Variants in PTPRT observed in about 807,000 individuals in gnomAD.
The protein encoded by PTPRT is protein tyrosine phosphatase receptor type T, also known as receptor-type tyrosine-protein phosphatase T.
In PTPRT, 56 loss-of-function variants were observed where a neutral mutation model predicts 176.8. That is an observed-to-expected ratio of 0.32 (90% CI 0.26 to 0.40). PTPRT has a LOEUF of 0.40. Ranked by LOEUF, PTPRT falls within the 10% of genes least tolerant of loss-of-function variation. PTPRT has a pLI of 1.00. For missense variants in PTPRT, 1,540 were observed against 1,908.2 expected, an observed-to-expected ratio of 0.81 and a Z score of 3.60; for synonymous variants, 783 against 739.0, an observed-to-expected ratio of 1.06 and a Z score of -0.96.
intron 7 of PTPRT, among the ~76,000 whole-genome samples, chr20:42,526,956 CTTTTTTTTTT>C (rs915511549): frequency 3.8e-5 from 3 of 78,712 alleles, no homozygotes; most frequent in South Asian, 5.8e-4. Flanking sequence ...GTTCTTTTTT[CTTTTTTTTTT>C]TTTTTTTTTT....
intron 9 of PTPRT, among the ~76,000 whole-genome samples, chr20:42,438,402 C>T (rs1035576582): frequency 1.3e-5 from 2 of 152,104 alleles, no homozygotes; most frequent in African/African-American, 2.4e-5. Flanking sequence ...TACCATGGCA[C>T]GGATATGAGG....
chr20:43,064,947 CTT>C (rs977978202), intron 1 of PTPRT, among the ~76,000 whole-genome samples: 2 of 152,242 alleles, frequency 1.3e-5, no homozygotes, highest in Non-Finnish European at 2.9e-5. Context: ...CCCCTCCTGT[CTT>C]TACATTTGCC....
rs1249944352 is a variant in PTPRT, at chr20:43,189,786, T to C, written c.-53A>G. On this transcript the variant is annotated 5_prime_UTR_variant, in exon 1 of 31. Coordinates refer to ENST00000373187, the MANE Select transcript of PTPRT (RefSeq NM_007050.6). The surrounding 1 kb of genome is among the most constrained non-coding windows in gnomAD (Gnocchi z 5.0). Reference sequence around the variant, plus strand: ...TTCCCGCGGGGGCCGGGGCCGGGACTGGGGCGGGCGCGGGGTGGCCCCGCA... The same window carrying C: ...TTCCCGCGGGGGCCGGGGCCGGGACCGGGGCGGGCGCGGGGTGGCCCCGCA... 2.0e-6 allele frequency: 2 copies of C among 999,148 alleles called. No individual in the cohort carries two copies. The highest frequency in any genetic ancestry group is 6.3e-5 in the East Asian group (1 of 15,998). The allele number at this position is 999,148 out of a possible 1,614,324, so 61.9% of individuals were successfully genotyped here. A position where few individuals can be genotyped will look rare whatever the true frequency, so the allele number is the denominator to read the frequency against.
At chr20:42,139,627 G>A (rs1988530649) in intron 18 of PTPRT, among the ~76,000 whole-genome samples, 1 of 152,208 alleles carries the variant, frequency 6.6e-6, no homozygotes, top group African/African-American at 2.4e-5. Flanking sequence ...CCTGTGCCTG[G>A]GCAGGGGATC....
At chr20:42,635,463 C>CAACAACA (rs2074575145) in intron 7 of PTPRT, among the ~76,000 whole-genome samples, 1 of 152,030 alleles carries the variant, frequency 6.6e-6, no homozygotes, top group African/African-American at 2.4e-5. Context: ...TAATAGGCAA[C>CAACAACA]AATGTGCTGC....
chr20:42,104,538 G>A (rs761741655), intron 25 of PTPRT, 31 bp downstream of exon 25: 3 of 1,592,994 alleles, frequency 1.9e-6, no homozygotes, highest in East Asian at 4.5e-5. Flanking sequence ...AACTGACTAA[G>A]ATGGTCACCG....
intron 22 of PTPRT, among the ~76,000 whole-genome samples, chr20:42,114,756 A>C (rs1987185524): frequency 6.6e-6 from 1 of 152,190 alleles, no homozygotes; most frequent in Non-Finnish European, 1.5e-5. Context: ...TTGAGACCAC[A>C]TGCCTTGAAC....
chr20:42,511,135 C>A (rs2071947723), intron 7 of PTPRT, among the ~76,000 whole-genome samples: 3 of 152,100 alleles, frequency 2.0e-5, no homozygotes, highest in African/African-American at 7.2e-5. Context: ...CTTGGGACTT[C>A]TAAAGGAGTC....
At chr20:43,180,791 A>C (rs780040308) in intron 1 of PTPRT, among the ~76,000 whole-genome samples, 5 of 152,154 alleles carry the variant, frequency 3.3e-5, no homozygotes, top group Non-Finnish European at 7.3e-5. Context: ...AAAATGTGAT[A>C]TATAATATAT....
rs1194156583 is a variant in PTPRT, at chr20:42,072,856, G to T, written c.*8023C>A. The T allele has an allele frequency of 9.1e-6, 2 of 220,246 alleles. No individual in the cohort carries two copies. The allele number at this position is 220,246 out of a possible 1,614,324, so 13.6% of individuals were successfully genotyped here. A position where few individuals can be genotyped will look rare whatever the true frequency, so the allele number is the denominator to read the frequency against. On this transcript the variant is annotated 3_prime_UTR_variant, in exon 31 of 31. Transcript: ENST00000373187. The stretch of plus-strand genomic sequence containing the variant: ...AGGGAACATTTACAAGAATAAATAA[G>T]ATGGACTTGCAGGTGTAAAAAGATT...
intron 6 of PTPRT, among the ~76,000 whole-genome samples, chr20:42,736,302 T>C (rs567315105): frequency 5.7e-4 from 87 of 152,260 alleles, no homozygotes; most frequent in South Asian, 1.2e-3. Flanking sequence ...GCTCTGAGGC[T>C]AACTAGAACT....
intron 7 of PTPRT, among the ~76,000 whole-genome samples, chr20:42,486,822 C>A (rs1295587966): frequency 6.6e-6 from 1 of 152,068 alleles, no homozygotes; most frequent in Admixed American, 6.6e-5. Context: ...TGCACCAGAG[C>A]CGAGCCAAGC....
chr20:43,103,506 C>T (rs567481986), intron 1 of PTPRT, among the ~76,000 whole-genome samples: 1 of 152,216 alleles, frequency 6.6e-6, no homozygotes, highest in East Asian at 1.9e-4. Context: ...TAACTGCAGC[C>T]ATGATAAGGG....
chr20:42,989,435 C>T (rs1983769356), intron 1 of PTPRT, among the ~76,000 whole-genome samples: 1 of 152,216 alleles, frequency 6.6e-6, no homozygotes, highest in Admixed American at 6.5e-5. Context: ...AGCCAGTGTA[C>T]AAGGCATACC....
At chr20:42,746,752 G>A (rs1174602733) in intron 6 of PTPRT, among the ~76,000 whole-genome samples, 1 of 152,160 alleles carries the variant, frequency 6.6e-6, no homozygotes, top group Non-Finnish European at 1.5e-5. Context: ...AGCATGTTGA[G>A]GTTTCTCTGC....
In PTPRT at chr20:43,189,698, G is replaced by T; in HGVS notation, c.36C>A (p.Leu12=). The T allele has an allele frequency of 7.6e-7, 1 of 1,316,588 alleles. No individual in the cohort carries two copies. The highest frequency in any genetic ancestry group is 9.7e-7 in the Non-Finnish European group (1 of 1,033,006). The allele number at this position is 1,316,588 out of a possible 1,614,324, so 81.6% of individuals were successfully genotyped here. A position where few individuals can be genotyped will look rare whatever the true frequency, so the allele number is the denominator to read the frequency against. ...GCAGTGGCGGCAGCTGCAGCCTCAG[G>T]AGCAGGCTGAGGGCGAGCGCGGCGA... ...ASLAALALSL[L]LRLQLPPLPG... The change falls in exon 1 of 31, where the codon CTC becomes CTA. Residue 12 remains leucine (L), a synonymous_variant. Transcript: ENST00000373187. The surrounding 1 kb of genome is among the most constrained non-coding windows in gnomAD (Gnocchi z 5.0).
chr20:42,916,139 G>A (rs1292648210), intron 1 of PTPRT, among the ~76,000 whole-genome samples: 22 of 85,958 alleles, frequency 2.6e-4, no homozygotes, highest in East Asian at 3.7e-4. Flanking sequence ...AACAGTCCCC[G>A]GTGTGTGATG....
At chr20:42,115,137 G>T in intron 22 of PTPRT, 62 bp downstream of exon 22, 2 of 1,229,836 alleles carry the variant, frequency 1.6e-6, no homozygotes, top group South Asian at 1.2e-5. Context: ...CACATGTTCT[G>T]GATGAACAAA....
chr20:42,613,595 G>C (rs2074011516), intron 7 of PTPRT, among the ~76,000 whole-genome samples: 2 of 152,220 alleles, frequency 1.3e-5, no homozygotes, highest in African/African-American at 4.8e-5. Context: ...GATCTAATTT[G>C]AGGAGTAGCA....
Sources: gnomAD v4.1 joint callset for allele counts (sites outside exome capture counted in the v4.1 genomes callset) on GRCh38, gnomAD v4.1.1 for gene constraint, Gnocchi (gnomAD v3.1) non-coding constraint, MANE v1.5 for transcripts, NCBI Gene and HGNC (gene_info 2026-07-23, HGNC 2026-07-21) for gene names.